The following TMPRSS15 variants were observed in gnomAD, a reference collection of about 807,000 sequenced individuals.
TMPRSS15 encodes enteropeptidase.
Under a neutral mutation model 125.3 loss-of-function variants are expected in TMPRSS15, and 128 were observed. The observed-to-expected ratio is 1.02, with a 90% CI of 0.89 to 1.18. The LOEUF is 1.18. TMPRSS15 is among the 50% of genes most tolerant of loss of function. The pLI, the probability that TMPRSS15 is intolerant of heterozygous loss-of-function variation, is 0.00. For missense variants in TMPRSS15, 1,283 were observed against 1,212.7 expected (o/e 1.06, Z -0.86); for synonymous variants, 446 against 423.2 (o/e 1.05, Z -0.66).
chr21:18,437,185 T>C (rs2076229856), intron 1 of TMPRSS15, among the ~76,000 whole-genome samples: 2 of 150,774 alleles, frequency 1.3e-5, no homozygotes, highest in South Asian at 4.2e-4. Flanking sequence ...TCTACAACTA[T>C]CTGATCTTTG....
rs1339584476 is a variant in TMPRSS15 at position 18,270,257 on chromosome 21, T to C, written c.2905-133A>G. ...ATGATTTAATTGCAAGTCATCTGTA[T>C]ATATTCTCACTTTCACTCTAAGTCA... On this transcript the variant is annotated intron_variant, in intron 24 of 24. Coordinates refer to ENST00000284885, the MANE Select transcript of TMPRSS15 (RefSeq NM_002772.3). 9.1e-5 allele frequency: 67 copies of C among 735,812 alleles called. 1 individual carries two copies. The highest frequency in any genetic ancestry group is 1.3e-4 in the Non-Finnish European group (61 of 472,788). The allele number at this position is 735,812 out of a possible 1,614,324, so 45.6% of individuals were successfully genotyped here. A position where few individuals can be genotyped will look rare whatever the true frequency, so the allele number is the denominator to read the frequency against.
chr21:18,384,292 T>C (rs1242497230), intron 3 of TMPRSS15, among the ~76,000 whole-genome samples: 1 of 152,176 alleles, frequency 6.6e-6, no homozygotes, highest in Non-Finnish European at 1.5e-5. Flanking sequence ...TTCTTCTCTA[T>C]TTTGCTTAAT....
At chr21:18,468,511 G>C (rs1315893056) in intron 1 of TMPRSS15, among the ~76,000 whole-genome samples, 1 of 150,000 alleles carries the variant, frequency 6.7e-6, no homozygotes, top group Non-Finnish European at 1.5e-5. Flanking sequence ...GAGAAATCCA[G>C]GAAAGCATTC....
At position 18,317,083 on chromosome 21, in the gene TMPRSS15, T is replaced by C. The variant is rs80199894; in HGVS notation, c.1922-1827A>G. Among the ~76,000 whole-genome samples the C allele has an allele frequency of 1.0e-2, 1,518 of 152,314 alleles. 27 individuals carry two copies. Among genetic ancestry groups the C allele is most frequent in the African/African-American group, 0.033 (1,392 of 41,564 alleles). Reference sequence around the variant, plus strand: ...GTGACTATTAGTCAATATAATAACATTACTATTACATTGCTTTCAAGGAGA... The same window carrying C: ...GTGACTATTAGTCAATATAATAACACTACTATTACATTGCTTTCAAGGAGA... On this transcript the variant is annotated intron_variant, in intron 16 of 24. Coordinates refer to ENST00000284885, the MANE Select transcript of TMPRSS15 (RefSeq NM_002772.3).
intron 3 of TMPRSS15, among the ~76,000 whole-genome samples, chr21:18,396,808 GTCTATCTATCTATCTA>G (rs3082172): frequency 9.3e-6 from 1 of 107,872 alleles, no homozygotes; most frequent in Non-Finnish European, 1.8e-5. Context: ...CTGTCTGTCT[GTCTATCTATCTATCTA>G]TCTATCTATC....
chr21:18,476,429 A>G (rs1256218298), intron 1 of TMPRSS15, among the ~76,000 whole-genome samples: 1 of 152,180 alleles, frequency 6.6e-6, no homozygotes, highest in Non-Finnish European at 1.5e-5. Context: ...TAAAGGGAAA[A>G]TGAACTATAA....
At chr21:18,392,170 G>C (rs1419327397) in intron 3 of TMPRSS15, among the ~76,000 whole-genome samples, 1 of 152,172 alleles carries the variant, frequency 6.6e-6, no homozygotes, top group Non-Finnish European at 1.5e-5. Flanking sequence ...AATAACATTT[G>C]ACTCCTCATT....
intron 1 of TMPRSS15, among the ~76,000 whole-genome samples, chr21:18,401,667 C>T (rs1569058795): frequency 6.6e-6 from 1 of 152,032 alleles, no homozygotes; most frequent in Non-Finnish European, 1.5e-5. Flanking sequence ...CATTCATACC[C>T]CAAACCTCAA....
At position 18,270,052 on chromosome 21, in the gene TMPRSS15, A is replaced by C. The variant is rs753835508; in HGVS notation, c.2977T>G (p.Tyr993Asp). 6.2e-7 allele frequency: 1 copy of C among 1,614,020 alleles called. No individual in the cohort carries two copies. The highest frequency in any genetic ancestry group is 2.2e-5 in the East Asian group (1 of 44,872). The change falls in exon 25 of 25, where the codon TAC becomes GAC. Residue 993 changes from tyrosine to aspartate, a missense_variant. By Grantham distance (160) the Tyr-to-Asp change is radical. Coordinates refer to ENST00000284885, the MANE Select transcript of TMPRSS15 (RefSeq NM_002772.3). ...WFLAGVTSFG[Y>D]KCALPNRPGV... ...GGGCGATTAGGCAGGGCACACTTGT[A>C]TCCAAATGAGGTCACACCAGCAAGG...
At chr21:18,381,999 C>A (rs2075897213) in intron 4 of TMPRSS15, among the ~76,000 whole-genome samples, 2 of 152,024 alleles carry the variant, frequency 1.3e-5, no homozygotes, top group Non-Finnish European at 1.5e-5. Context: ...TGAAAATATT[C>A]ATTTTTCCAT....
intron 13 of TMPRSS15, among the ~76,000 whole-genome samples, chr21:18,333,473 C>T (rs1040705265): frequency 1.8e-4 from 27 of 151,940 alleles, no homozygotes; most frequent in African/African-American, 6.3e-4. Context: ...AAAACAAATT[C>T]AATATTTACC....
At chr21:18,280,598 AC>A (rs1210129978) in intron 22 of TMPRSS15, among the ~76,000 whole-genome samples, 17 of 148,708 alleles carry the variant, frequency 1.1e-4, no homozygotes, top group African/African-American at 3.5e-4. Flanking sequence ...AAAAAAAACA[AC>A]AAAACAACAA....
At position 18,297,778 on chromosome 21, in the gene TMPRSS15, G is replaced by A. The variant is rs1331428357; in HGVS notation, c.2217C>T (p.Val739=). ...GGCCATCAGGTGCTGTGTTTAATTT[G>A]ACAAATGGTCCACCATCGGTAGGGA... ...PIFPTDGGPF[V]KLNTAPDGHL... is the part of the protein sequence containing the mutation. The change falls in exon 19 of 25, where the codon GTC becomes GTT. Residue 739 remains valine, a synonymous_variant. Coordinates refer to ENST00000284885, the MANE Select transcript of TMPRSS15 (RefSeq NM_002772.3). 3.7e-6 allele frequency: 6 copies of A among 1,613,772 alleles called. No individual in the cohort carries two copies. The highest frequency in any genetic ancestry group is 5.1e-6 in the Non-Finnish European group (6 of 1,179,778).
Position 18,359,847 on chromosome 21 carries a change from A to G in TMPRSS15, c.790T>C (p.Ser264Pro), listed in dbSNP as rs201269085. 8.2e-5 allele frequency: 124 copies of G among 1,515,702 alleles called. 1 individual carries two copies. In the African/African-American group the frequency reaches 9.4e-4, roughly 12 times the overall value. The allele number at this position is 1,515,702 out of a possible 1,614,324, so 93.9% of individuals were successfully genotyped here. A position where few individuals can be genotyped will look rare whatever the true frequency, so the allele number is the denominator to read the frequency against. ...QWIIRVNQGL[S>P]IKLSFDDFNT... ...AAATCATCGAAGCTCAGTTTAATGG[A>G]AAGTCCTTGGTTTACACTAAATTAA... Residue 264 changes from serine to proline, a missense_variant, in exon 8 of 25, where the codon TCC (serine) becomes CCC (proline). Physicochemically the swap from Ser to Pro is moderately conservative, Grantham distance 74. Coordinates refer to ENST00000284885, the MANE Select transcript of TMPRSS15 (RefSeq NM_002772.3).
At chr21:18,316,287 A>G (rs569498648) in intron 16 of TMPRSS15, among the ~76,000 whole-genome samples, 1 of 152,300 alleles carries the variant, frequency 6.6e-6, no homozygotes, top group South Asian at 2.1e-4. Context: ...TATCTCTTCA[A>G]TAAACAAACT....
intron 1 of TMPRSS15, among the ~76,000 whole-genome samples, chr21:18,420,466 G>A (rs867472308): frequency 3.9e-5 from 6 of 152,050 alleles, no homozygotes; most frequent in African/African-American, 1.4e-4. Flanking sequence ...AAATTCTCAA[G>A]TTGTAGCGAA....
intron 1 of TMPRSS15, among the ~76,000 whole-genome samples, chr21:18,420,965 T>C (rs1345412459): frequency 6.6e-6 from 1 of 152,222 alleles, no homozygotes; most frequent in African/African-American, 2.4e-5. Flanking sequence ...ACTCTAGATT[T>C]ATTAAATAAG....
intron 16 of TMPRSS15, among the ~76,000 whole-genome samples, chr21:18,323,496 C>G (rs1311599743): frequency 1.3e-5 from 2 of 152,138 alleles, no homozygotes; most frequent in African/African-American, 4.8e-5. Context: ...TCAATTACCT[C>G]CCACCAGGTC....
chr21:18,325,129 A>T (rs1052693406), intron 16 of TMPRSS15, among the ~76,000 whole-genome samples: 1 of 151,992 alleles, frequency 6.6e-6, no homozygotes, highest in Non-Finnish European at 1.5e-5. Context: ...TTTGCATCTC[A>T]ATGTATTTTG....
Sources: allele counts gnomAD v4.1 joint callset (sites outside exome capture counted in the v4.1 genomes callset), GRCh38; gene constraint gnomAD v4.1.1; transcripts MANE v1.5; gene names NCBI Gene and HGNC (gene_info 2026-07-23, HGNC 2026-07-21).